Variants in KCNQ5 observed in about 807,000 individuals in gnomAD.
KCNQ5 encodes the protein potassium voltage-gated channel subfamily KQT member 5.
KCNQ5 carries 30 observed loss-of-function variants against 98.2 expected under a neutral mutation model. That is an observed-to-expected ratio of 0.31 (90% CI 0.23 to 0.41). The LOEUF (loss-of-function observed/expected upper bound fraction) is 0.41. Ranked by LOEUF, KCNQ5 falls within the 10% of genes least tolerant of loss-of-function variation. The pLI is 1.00. For synonymous variants in KCNQ5, 458 were observed against 449.4 expected (o/e 1.02, Z -0.24); for missense variants, 835 against 1,182.5 (o/e 0.71, Z 4.31).
chr6:72,903,984 A>G (rs532561844), intron 1 of KCNQ5, among the ~76,000 whole-genome samples: 1 of 152,294 alleles, frequency 6.6e-6, no homozygotes, highest in South Asian at 2.1e-4. Context: ...TAGGGCTATT[A>G]GTAATTGTTT....
At chr6:72,859,199 T>A (rs1192114115) in intron 1 of KCNQ5, among the ~76,000 whole-genome samples, 1 of 152,144 alleles carries the variant, frequency 6.6e-6, no homozygotes, top group Non-Finnish European at 1.5e-5. Flanking sequence ...ATTATAATAT[T>A]TGAAGTTTTA....
intron 5 of KCNQ5, among the ~76,000 whole-genome samples, chr6:73,093,407 G>T (rs1311651103): frequency 6.6e-6 from 1 of 151,762 alleles, no homozygotes; most frequent in Non-Finnish European, 1.5e-5. Context: ...AAATTCATTT[G>T]GTTCTGCTCT....
intron 1 of KCNQ5, among the ~76,000 whole-genome samples, chr6:72,828,464 A>G (rs1776099378): frequency 6.6e-6 from 1 of 151,934 alleles, no homozygotes; most frequent in Non-Finnish European, 1.5e-5. Flanking sequence ...ATTTATTGCT[A>G]GGTATTTTAC....
At chr6:72,771,657 T>TGC (rs1406085877) in intron 1 of KCNQ5, among the ~76,000 whole-genome samples, 1 of 148,984 alleles carries the variant, frequency 6.7e-6, no homozygotes, top group African/African-American at 2.5e-5. Flanking sequence ...TTTCACTGTG[T>TGC]GTGTGTGTGT....
chr6:73,038,206 A>T (rs541465476), intron 2 of KCNQ5, among the ~76,000 whole-genome samples: 74 of 152,104 alleles, frequency 4.9e-4, no homozygotes, highest in African/African-American at 1.6e-3. Flanking sequence ...AATATGATTA[A>T]TTTTTATATT....
chr6:72,852,640 A>AATATATATATATATATATAT (rs140435793), intron 1 of KCNQ5, among the ~76,000 whole-genome samples: 1,200 of 56,550 alleles, frequency 0.021, 137 homozygotes, highest in East Asian at 0.057. Flanking sequence ...ATGAAGGGGA[A>AATATATATATATATATATAT]ATATATATAT....
chr6:72,798,334 G>A (rs183683676), intron 1 of KCNQ5, among the ~76,000 whole-genome samples: 88 of 152,260 alleles, frequency 5.8e-4, no homozygotes, highest in African/African-American at 2.1e-3. Context: ...AATCCCCAAC[G>A]CAACAATGTT....
chr6:73,036,782 C>A (rs1771453983), intron 2 of KCNQ5, among the ~76,000 whole-genome samples: 1 of 152,138 alleles, frequency 6.6e-6, no homozygotes, highest in Admixed American at 6.5e-5. Flanking sequence ...GGGGTCTGGT[C>A]ATTATGAATA....
At chr6:73,169,282 T>G (rs1035462790) in intron 10 of KCNQ5, among the ~76,000 whole-genome samples, 2 of 152,374 alleles carry the variant, frequency 1.3e-5, no homozygotes, top group East Asian at 3.9e-4. Context: ...TCAGCATTCT[T>G]GGCTCCGGCT....
chr6:72,969,265 T>A (rs1767760280), intron 1 of KCNQ5, among the ~76,000 whole-genome samples: 1 of 152,194 alleles, frequency 6.6e-6, no homozygotes, highest in Non-Finnish European at 1.5e-5. Flanking sequence ...CATCTTAAGA[T>A]TTTTTGAATC....
intron 1 of KCNQ5, among the ~76,000 whole-genome samples, chr6:72,933,200 C>T (rs890123512): frequency 6.6e-6 from 1 of 152,064 alleles, no homozygotes; most frequent in African/African-American, 2.4e-5. Flanking sequence ...ACAGAACTTA[C>T]CATGTTAAGG....
Position 72,910,055 on chromosome 6 carries a change from C to T in KCNQ5, c.399-93853C>T, listed in dbSNP as rs555472101. ...CATCCCTTTATCAAAATATATGCAT[C>T]CCTTTATCAAATGCAACTCAGTTAT... On this transcript the variant is annotated intron_variant, in intron 1 of 13. Transcript: ENST00000370398. Among the ~76,000 whole-genome samples the T allele has an allele frequency of 2.5e-3, 387 of 152,274 alleles. 2 individuals are homozygous for T. The highest frequency in any genetic ancestry group is 3.9e-3 in the Admixed American group (60 of 15,296).
At chr6:72,808,444 C>A (rs1002340444) in intron 1 of KCNQ5, among the ~76,000 whole-genome samples, 2 of 152,128 alleles carry the variant, frequency 1.3e-5, no homozygotes, top group African/African-American at 4.8e-5. Context: ...GTGCACAGAG[C>A]ACTGTACAAG....
At chr6:72,900,439 T>C (rs1779444963) in intron 1 of KCNQ5, among the ~76,000 whole-genome samples, 1 of 143,538 alleles carries the variant, frequency 7.0e-6, no homozygotes, top group Non-Finnish European at 1.5e-5. Flanking sequence ...ATATATATGA[T>C]ATATATATCA....
chr6:72,824,466 C>CT (rs1349336104), intron 1 of KCNQ5, among the ~76,000 whole-genome samples: 4 of 151,958 alleles, frequency 2.6e-5, no homozygotes, highest in African/African-American at 9.7e-5. Flanking sequence ...ATCAGTTTTT[C>CT]TGTTTTTCAC....
At chr6:73,132,108 T>C (rs536699991) in intron 9 of KCNQ5, among the ~76,000 whole-genome samples, 31 of 152,340 alleles carry the variant, frequency 2.0e-4, no homozygotes, top group Middle Eastern at 3.4e-3. Flanking sequence ...ACAAAGCACA[T>C]ATCCACTAAA....
At chr6:72,720,530 G>A (rs1333126953) in intron 1 of KCNQ5, among the ~76,000 whole-genome samples, 1 of 152,104 alleles carries the variant, frequency 6.6e-6, no homozygotes, top group Non-Finnish European at 1.5e-5. Flanking sequence ...CTAGATGGGG[G>A]TTTGACCTTG....
At chr6:72,624,925 C>T (rs948523193) in intron 1 of KCNQ5, among the ~76,000 whole-genome samples, 1 of 152,182 alleles carries the variant, frequency 6.6e-6, no homozygotes, top group African/African-American at 2.4e-5. Flanking sequence ...ATTCATTTAT[C>T]GAAGTTGCTT....
intron 1 of KCNQ5, among the ~76,000 whole-genome samples, chr6:72,918,410 T>C (rs1780258569): frequency 6.6e-6 from 1 of 152,094 alleles, no homozygotes; most frequent in Non-Finnish European, 1.5e-5. Context: ...TTGGTTTATA[T>C]TAATTGTTCA....
Sources: gnomAD v4.1 joint callset for allele counts (sites outside exome capture counted in the v4.1 genomes callset) on GRCh38, gnomAD v4.1.1 for gene constraint, MANE v1.5 for transcripts, NCBI Gene and HGNC (gene_info 2026-07-23, HGNC 2026-07-21) for gene names.